RBMS3: variants seen among roughly 807,000 people sequenced by gnomAD.
The protein encoded by RBMS3 is RNA binding motif single stranded interacting protein 3.
In RBMS3, 27 loss-of-function variants were observed where a neutral mutation model predicts 66.8. That is an observed-to-expected ratio of 0.40 (90% CI 0.30 to 0.56). The LOEUF (loss-of-function observed/expected upper bound fraction) is 0.56. Among genes scored for constraint, RBMS3 ranks in the 20% least tolerant of loss-of-function variants. The probability of loss-of-function intolerance (pLI) is 0.40; values close to 1 mark genes in which losing one functional copy is unlikely to be tolerated. For synonymous variants in RBMS3, 188 were observed against 183.0 expected (o/e 1.03, Z -0.22); for missense variants, 513 against 549.5 (o/e 0.93, Z 0.66).
At chr3:29,488,055 ACT>A (rs781545690) in intron 2 of RBMS3, among the ~76,000 whole-genome samples, 6 of 152,094 alleles carry the variant, frequency 3.9e-5, no homozygotes, top group Non-Finnish European at 8.8e-5. Flanking sequence ...GTTGGGTTAA[ACT>A]CTGCAGTGTT....
chr3:29,899,790 T>C (rs755376676), intron 10 of RBMS3, 35 bp downstream of exon 10: 1 of 1,595,798 alleles, frequency 6.3e-7, no homozygotes, highest in South Asian at 1.1e-5. Context: ...CTAATATTTC[T>C]ATTATCCAAG....
chr3:29,797,772 T>C (rs2057249095), intron 6 of RBMS3: 1 of 152,142 alleles, frequency 6.6e-6, no homozygotes, highest in South Asian at 2.1e-4. Flanking sequence ...AGGTTAATAC[T>C]CCCAGAAGTG....
intron 1 of RBMS3, among the ~76,000 whole-genome samples, chr3:29,313,249 C>T (rs937131862): frequency 6.6e-5 from 10 of 151,832 alleles, no homozygotes; most frequent in African/African-American, 2.4e-4. Context: ...AACATCTGGT[C>T]TTGTTTAATG....
chr3:29,516,136 C>G (rs188952371), intron 3 of RBMS3, among the ~76,000 whole-genome samples: 2 of 152,244 alleles, frequency 1.3e-5, no homozygotes, highest in East Asian at 3.9e-4. Context: ...GGGGATTGAT[C>G]AAGGAAGATA....
At chr3:29,672,006 G>A (rs191121556) in intron 4 of RBMS3, among the ~76,000 whole-genome samples, 3 of 152,290 alleles carry the variant, frequency 2.0e-5, no homozygotes, top group Admixed American at 2.0e-4. Flanking sequence ...AGGTTGTAAT[G>A]AAGGAAAATA....
At chr3:29,777,535 C>CT (rs999542861) in intron 6 of RBMS3, among the ~76,000 whole-genome samples, 30 of 151,976 alleles carry the variant, frequency 2.0e-4, no homozygotes, top group African/African-American at 6.5e-4. Context: ...TGACATAATA[C>CT]TTTTTTTGGT....
chr3:29,611,344 C>A (rs1454915571), intron 4 of RBMS3, among the ~76,000 whole-genome samples: 1 of 151,944 alleles, frequency 6.6e-6, no homozygotes, highest in Non-Finnish European at 1.5e-5. Context: ...GGTGCCTGAC[C>A]TTTCCAGAAA....
At chr3:29,560,865 T>C (rs888069103) in intron 3 of RBMS3, among the ~76,000 whole-genome samples, 5 of 152,216 alleles carry the variant, frequency 3.3e-5, no homozygotes, top group African/African-American at 1.2e-4. Context: ...CCATTAGTTA[T>C]TTTTCCTGGT....
chr3:29,359,848 T>G (rs1370022853), intron 1 of RBMS3, among the ~76,000 whole-genome samples: 1 of 152,248 alleles, frequency 6.6e-6, no homozygotes, highest in Non-Finnish European at 1.5e-5. Flanking sequence ...GTGTTTATAG[T>G]ATTCTCTGAT....
At chr3:29,569,170 G>T (rs768381801) in intron 3 of RBMS3, among the ~76,000 whole-genome samples, 11 of 152,030 alleles carry the variant, frequency 7.2e-5, no homozygotes, top group Non-Finnish European at 1.2e-4. Flanking sequence ...TAGTTTTTCA[G>T]GTCTTGACCG....
At chr3:29,513,470 G>C (rs1451282358) in intron 3 of RBMS3, among the ~76,000 whole-genome samples, 2 of 152,072 alleles carry the variant, frequency 1.3e-5, no homozygotes, top group African/African-American at 4.8e-5. Flanking sequence ...TATGGGAACT[G>C]AGATTAGGAA....
intron 6 of RBMS3, among the ~76,000 whole-genome samples, chr3:29,788,080 G>A (rs1476737826): frequency 6.6e-6 from 1 of 151,912 alleles, no homozygotes; most frequent in Non-Finnish European, 1.5e-5. Flanking sequence ...AACATTCCCT[G>A]TGTCCAGAGG....
chr3:29,895,827 A>G (rs2149600345), intron 8 of RBMS3, among the ~76,000 whole-genome samples: 1 of 151,588 alleles, frequency 6.6e-6, no homozygotes, highest in African/African-American at 2.4e-5. Flanking sequence ...AAATGGGTGT[A>G]ATGTTTTGCT....
At chr3:29,471,499 A>G (rs1250703863) in intron 2 of RBMS3, among the ~76,000 whole-genome samples, 1 of 152,138 alleles carries the variant, frequency 6.6e-6, no homozygotes, top group Non-Finnish European at 1.5e-5. Context: ...AGCAGAATAT[A>G]TTTCATTTTG....
chr3:29,707,757 C>T lies in RBMS3; in HGVS notation c.400-31963C>T, dbSNP rs560949134. ...TCTGCCATGGGACAATTTCTTACTG[C>T]GTTTCTTGCCAAACGAGGGTAGGAA... On this transcript the variant is annotated intron_variant, in intron 4 of 14. Transcript: ENST00000383767. Among the ~76,000 whole-genome samples, 25 of 152,276 alleles carry T rather than the reference C, an allele frequency of 1.6e-4. No individual in the cohort carries two copies. The South Asian group carries it at 3.5e-3, about 21-fold the overall frequency.
chr3:29,735,861 T>C (rs1306100131), intron 4 of RBMS3, among the ~76,000 whole-genome samples: 2 of 152,212 alleles, frequency 1.3e-5, no homozygotes. Flanking sequence ...CACTAGCTTC[T>C]GCTTTTTTCC....
intron 6 of RBMS3, among the ~76,000 whole-genome samples, chr3:29,810,139 T>A (rs11929170): frequency 0.013 from 1,991 of 152,160 alleles, 47 homozygotes; most frequent in African/African-American, 0.045. Context: ...ATTTTCATCC[T>A]TATTATAATT....
chr3:29,438,374 C>G (rs542463539), intron 2 of RBMS3, among the ~76,000 whole-genome samples: 2 of 151,904 alleles, frequency 1.3e-5, no homozygotes, highest in Non-Finnish European at 2.9e-5. Flanking sequence ...AAGGCATAGA[C>G]ATATTGGATT....
chr3:29,759,469 G>A (rs934895594), intron 5 of RBMS3, among the ~76,000 whole-genome samples: 4 of 152,136 alleles, frequency 2.6e-5, no homozygotes, highest in Admixed American at 6.5e-5. Context: ...TTCAGGTACC[G>A]CCTAGGAAGA....
Sources: allele counts gnomAD v4.1 joint callset (sites outside exome capture counted in the v4.1 genomes callset), GRCh38; gene constraint gnomAD v4.1.1; transcripts MANE v1.5; gene names NCBI Gene and HGNC (gene_info 2026-07-23, HGNC 2026-07-21).